Variants in PCDHA6 observed in about 807,000 individuals in gnomAD.
PCDHA6 encodes protocadherin alpha-6.
A neutral mutation model predicts 60.3 loss-of-function variants in PCDHA6; 55 were observed. The observed-to-expected ratio is 0.91, with a 90% CI of 0.73 to 1.14. The LOEUF (loss-of-function observed/expected upper bound fraction) is 1.14. Among genes scored for constraint, PCDHA6 ranks in the 50% most tolerant of loss-of-function variants. The probability of loss-of-function intolerance (pLI) is 0.00; values close to 1 mark genes in which losing one functional copy is unlikely to be tolerated. For synonymous variants in PCDHA6, 652 were observed against 557.9 expected, an observed-to-expected ratio of 1.17 and a Z score of -2.38; for missense variants, 1,327 against 1,256.5, an observed-to-expected ratio of 1.06 and a Z score of -0.85.
rs782580460 is a variant in PCDHA6, at chr5:140,875,923, C to T, written c.2394+45438C>T. 1.2e-5 allele frequency: 20 copies of T among 1,614,184 alleles called. 1 individual carries two copies. The South Asian group carries it at 2.1e-4, about 17-fold the overall frequency. On this transcript the variant is annotated intron_variant, in intron 1 of 3. Coordinates refer to ENST00000529310, the MANE Select transcript of PCDHA6 (RefSeq NM_018909.4). ...TTCTGAATCTGCGCCTCTGGACTCT[C>T]ATTTTCCTCTAGAGGGCGCTTCTGA...
chr5:140,971,163 T>C (rs2096460132), intron 1 of PCDHA6, among the ~76,000 whole-genome samples: 1 of 152,180 alleles, frequency 6.6e-6, no homozygotes, highest in Non-Finnish European at 1.5e-5. Flanking sequence ...AGGCTCAGCT[T>C]TGCCACCAGC....
chr5:140,999,568 G>A (rs1554256885), intron 3 of PCDHA6, among the ~76,000 whole-genome samples: 1 of 152,084 alleles, frequency 6.6e-6, no homozygotes, highest in Non-Finnish European at 1.5e-5. Context: ...TTTGAGAAGA[G>A]ACTATAAAGG....
chr5:140,952,379 G>T (rs1384901092), intron 1 of PCDHA6, among the ~76,000 whole-genome samples: 1 of 151,322 alleles, frequency 6.6e-6, no homozygotes, highest in Non-Finnish European at 1.5e-5. Flanking sequence ...TCCTCTGCCA[G>T]GTACCCTAAA....
At chr5:140,977,513 A>G (rs1378316611) in intron 1 of PCDHA6, among the ~76,000 whole-genome samples, 2 of 152,236 alleles carry the variant, frequency 1.3e-5, no homozygotes, top group African/African-American at 4.8e-5. Context: ...GCATTTTGTG[A>G]ACTTGAAAAC....
intron 1 of PCDHA6, among the ~76,000 whole-genome samples, chr5:140,895,581 TTAGA>T (rs1442561424): frequency 6.6e-6 from 1 of 152,216 alleles, no homozygotes; most frequent in Non-Finnish European, 1.5e-5. Flanking sequence ...AATTACTTTA[TTAGA>T]TATATAATTT....
intron 1 of PCDHA6, chr5:140,858,504 C>A: frequency 4.8e-6 from 7 of 1,454,340 alleles, no homozygotes; most frequent in Non-Finnish European, 6.6e-6. Flanking sequence ...CGCATTTTCT[C>A]AAATATGTAT....
chr5:140,869,919 A>G (rs1554163602), intron 1 of PCDHA6: 3 of 1,611,440 alleles, frequency 1.9e-6, no homozygotes. Flanking sequence ...GAGACGAAGG[A>G]GTCAATGGAG....
At chr5:140,897,227 CA>C (rs1408350956) in intron 1 of PCDHA6, among the ~76,000 whole-genome samples, 2 of 152,036 alleles carry the variant, frequency 1.3e-5, no homozygotes, top group African/African-American at 2.4e-5. Context: ...TACATGTGCA[CA>C]ATGTGCAGGT....
intron 1 of PCDHA6, chr5:140,857,407 G>C (rs372428918): frequency 6.3e-7 from 1 of 1,598,496 alleles, no homozygotes; most frequent in Admixed American, 1.7e-5. Context: ...ACGCGCCTGC[G>C]TTCGCGCAGT....
At chr5:140,843,222 C>G in intron 1 of PCDHA6, 1 of 1,596,168 alleles carries the variant, frequency 6.3e-7, no homozygotes, top group Non-Finnish European at 8.6e-7. Flanking sequence ...ATCAGCACCA[C>G]TCGTGTCCTG....
At chr5:141,000,414 TATA>T (rs1563651539) in intron 3 of PCDHA6, among the ~76,000 whole-genome samples, 16 of 99,530 alleles carry the variant, frequency 1.6e-4, no homozygotes, top group African/African-American at 2.5e-4. Flanking sequence ...TATATATATA[TATA>T]TATATTTTTT....
At position 140,850,653 on chromosome 5, in the gene PCDHA6, G is replaced by T. The variant is rs1472245010; in HGVS notation, c.2394+20168G>T. The T allele has an allele frequency of 2.5e-6, 4 of 1,598,606 alleles. No homozygotes were observed. The African/African-American group carries it at 4.0e-5, about 16-fold the overall frequency. On this transcript the variant is annotated intron_variant, in intron 1 of 3. Transcript: ENST00000529310. Reference sequence around the variant, plus strand: ...GGTTCTCACGCTGCTGCTGTACACTGTGCTGCGGTGCTCGGCGATGCCCAC... The same window carrying T: ...GGTTCTCACGCTGCTGCTGTACACTTTGCTGCGGTGCTCGGCGATGCCCAC...
chr5:141,007,174 G>T (rs926344346), intron 3 of PCDHA6, among the ~76,000 whole-genome samples: 9 of 152,118 alleles, frequency 5.9e-5, no homozygotes, highest in African/African-American at 2.2e-4. Context: ...AGAGAGAAAG[G>T]TCAGGAGAAT....
chr5:140,883,506 T>A (rs782204819), intron 1 of PCDHA6: 1 of 1,614,078 alleles, frequency 6.2e-7, no homozygotes, highest in Non-Finnish European at 8.5e-7. Context: ...GACAGCGCCC[T>A]GGACCGCGAG....
At chr5:140,986,427 G>A (rs937088313) in intron 3 of PCDHA6, among the ~76,000 whole-genome samples, 19 of 152,186 alleles carry the variant, frequency 1.2e-4, no homozygotes, top group African/African-American at 4.6e-4. Context: ...TTAACTTCAT[G>A]AGTACTAATG....
intron 1 of PCDHA6, among the ~76,000 whole-genome samples, chr5:140,948,015 C>CCTTTT (rs71276332): frequency 0.56 from 84,575 of 150,344 alleles, 24,313 homozygotes; most frequent in African/African-American, 0.69. Context: ...TAGGAAGTAC[C>CCTTTT]CTTTCTGGTT....
chr5:140,876,806 T>C (rs1554168956), intron 1 of PCDHA6: 2 of 1,613,976 alleles, frequency 1.2e-6, no homozygotes, highest in South Asian at 2.2e-5. Context: ...TCCGTGGAGG[T>C]GGCCGACGTG....
At chr5:140,877,177 C>A (rs1554169414) in intron 1 of PCDHA6, 1 of 1,613,802 alleles carries the variant, frequency 6.2e-7, no homozygotes. Context: ...GCTGGCGACT[C>A]CGGCTGGCAG....
intron 1 of PCDHA6, among the ~76,000 whole-genome samples, chr5:140,888,721 G>A (rs1176739860): frequency 6.6e-6 from 1 of 151,970 alleles, no homozygotes; most frequent in Non-Finnish European, 1.5e-5. Flanking sequence ...AATATTTCCA[G>A]CCCTTTGTGA....
Sources: gnomAD v4.1 joint callset for allele counts (sites outside exome capture counted in the v4.1 genomes callset) on GRCh38, gnomAD v4.1.1 for gene constraint, MANE v1.5 for transcripts, NCBI Gene and HGNC (gene_info 2026-07-23, HGNC 2026-07-21) for gene names.